ATG4A: variants seen among roughly 807,000 people sequenced by gnomAD.
ATG4A encodes cysteine protease ATG4A.
In ATG4A, 22 loss-of-function variants were observed where a neutral mutation model predicts 38.4. The observed-to-expected ratio is 0.57, with a 90% CI of 0.41 to 0.82. ATG4A has a LOEUF of 0.82. Among genes scored for constraint, ATG4A ranks in the 40% least tolerant of loss-of-function variants. The pLI, the probability that ATG4A is intolerant of heterozygous loss-of-function variation, is 0.00. For synonymous variants in ATG4A, 86 were observed against 100.7 expected, an observed-to-expected ratio of 0.85 and a Z score of 0.88; for missense variants, 220 against 290.0, an observed-to-expected ratio of 0.76 and a Z score of 1.75.
intron 1 of ATG4A, among the ~76,000 whole-genome samples, chrX:108,115,697 A>G (rs889160166): frequency 8.9e-6 from 1 of 112,196 alleles, no homozygotes; most frequent in African/African-American, 3.2e-5. Context: ...AGAAGTTGCT[A>G]TGGACATCTT....
chrX:108,116,407 G>A (rs1180388263), intron 1 of ATG4A, among the ~76,000 whole-genome samples: 3 of 111,644 alleles, frequency 2.7e-5, no homozygotes, highest in African/African-American at 9.8e-5. Flanking sequence ...CTGGGAAGGT[G>A]CTCCAAAGAG....
At chrX:108,137,531 C>T (rs1232305974) in intron 7 of ATG4A, among the ~76,000 whole-genome samples, 1 of 111,954 alleles carries the variant, frequency 8.9e-6, no homozygotes, top group Non-Finnish European at 1.9e-5. Flanking sequence ...TCTCAAAGGC[C>T]CTGGCAGACT....
intron 3 of ATG4A, among the ~76,000 whole-genome samples, chrX:108,130,917 C>T (rs998392673): frequency 9.0e-6 from 1 of 111,527 alleles, no homozygotes; most frequent in African/African-American, 3.3e-5. Flanking sequence ...TTGGGTCTGG[C>T]AGATGATGAC....
Position 108,153,955 on chromosome X carries a change from A to C in ATG4A, c.*243A>C. ...GGAGCCTAGGAGCAGAGAGATGAGG[A>C]GGAGTTCATTGCTTCCCAGCTTGTG... On this transcript the variant is annotated 3_prime_UTR_variant, in exon 13 of 13. Transcript: ENST00000372232. 3.5e-6 allele frequency: 1 copy of C among 289,451 alleles called. No homozygotes were observed. The highest frequency in any genetic ancestry group is 6.0e-6 in the Non-Finnish European group (1 of 165,616). The allele number at this position is 289,451 out of a possible 1,213,427, so 23.9% of individuals were successfully genotyped here.
intron 1 of ATG4A, among the ~76,000 whole-genome samples, chrX:108,104,508 C>G (rs2032113661): frequency 9.0e-6 from 1 of 110,590 alleles, no homozygotes; most frequent in Admixed American, 9.6e-5. Context: ...GAGAAACTCA[C>G]AGATAATCTT....
chrX:108,133,444 T>C (rs995706273), intron 4 of ATG4A, among the ~76,000 whole-genome samples: 2 of 112,586 alleles, frequency 1.8e-5, no homozygotes, highest in Admixed American at 1.9e-4. Flanking sequence ...TAGGGAAACA[T>C]TGAACACCTG....
chrX:108,142,523 CAT>C (rs1329292301), intron 9 of ATG4A, among the ~76,000 whole-genome samples: 2 of 108,697 alleles, frequency 1.8e-5, no homozygotes, highest in Non-Finnish European at 3.8e-5. Context: ...CACACACACA[CAT>C]ATATATGTAA....
intron 1 of ATG4A, among the ~76,000 whole-genome samples, chrX:108,117,785 T>C (rs1459637243): frequency 8.9e-6 from 1 of 112,425 alleles, no homozygotes; most frequent in Non-Finnish European, 1.9e-5. Context: ...ACTAATTAAT[T>C]GCTAAGCCTA....
At chrX:108,126,997 G>C (rs1192382898) in intron 2 of ATG4A, 4 of 247,268 alleles carry the variant, frequency 1.6e-5, no homozygotes, top group South Asian at 5.2e-5. Flanking sequence ...AGCTCCTCCT[G>C]AGCCTGGCTT....
At chrX:108,146,052 T>C (rs777564667) in intron 9 of ATG4A, among the ~76,000 whole-genome samples, 1 of 111,977 alleles carries the variant, frequency 8.9e-6, no homozygotes, top group African/African-American at 3.2e-5. Flanking sequence ...CAATGCACAG[T>C]TACCCTGCTA....
chrX:108,117,098 TG>T (rs2032530037), intron 1 of ATG4A, among the ~76,000 whole-genome samples: 1 of 111,903 alleles, frequency 8.9e-6, no homozygotes. Context: ...ACTGGTTACA[TG>T]GTAGGTACTC....
upstream of ATG4A, among the ~76,000 whole-genome samples, chrX:108,091,193 G>C: frequency 8.8e-6 from 1 of 113,531 alleles, no homozygotes; most frequent in Non-Finnish European, 1.9e-5. Flanking sequence ...TCAGGGAGCG[G>C]AGCTCCGGGC....
chrX:108,139,241 A>G (rs1210774515), intron 9 of ATG4A, among the ~76,000 whole-genome samples: 2 of 111,797 alleles, frequency 1.8e-5, no homozygotes, highest in Admixed American at 1.9e-4. Context: ...TTGCATGCCA[A>G]TCCCCCACTT....
intron 10 of ATG4A, 131 bp from the exon 11 acceptor site, chrX:108,151,671 G>A (rs1367245892): frequency 3.5e-6 from 2 of 568,038 alleles, no homozygotes; most frequent in Non-Finnish European, 5.8e-6. Flanking sequence ...GAGAAGCCCA[G>A]GCAGTCTTCC....
In ATG4A at chrX:108,131,179, G is replaced by T. The variant is rs185610817; in HGVS notation, c.194-81G>T. On this transcript the variant is annotated intron_variant, in intron 3 of 12. Coordinates refer to ENST00000372232, the MANE Select transcript of ATG4A (RefSeq NM_052936.5). ...CAGAGTATATATATTTACCTGTCTT[G>T]TGTGAGTCCCAAATATGCTGATGTT... is the stretch of plus-strand genomic sequence containing the variant. 1.6e-3 allele frequency: 1,368 copies of T among 856,284 alleles called. 2 individuals are homozygous for T. The highest frequency in any genetic ancestry group is 2.2e-3 in the Non-Finnish European group (1,260 of 579,882). The allele number at this position is 856,284 out of a possible 1,213,427, so 70.6% of individuals were successfully genotyped here. A position where few individuals can be genotyped will look rare whatever the true frequency, so the allele number is the denominator to read the frequency against.
intron 1 of ATG4A, among the ~76,000 whole-genome samples, chrX:108,121,190 G>A (rs886617042): frequency 2.7e-5 from 3 of 111,538 alleles, no homozygotes; most frequent in African/African-American, 6.5e-5. Flanking sequence ...GGACTAACAG[G>A]GGAGTAAGTG....
At chrX:108,092,654 C>T (rs1039578683) in intron 1 of ATG4A, among the ~76,000 whole-genome samples, 1 of 112,169 alleles carries the variant, frequency 8.9e-6, no homozygotes, top group East Asian at 2.8e-4. Context: ...ACTTTTATGA[C>T]AAAAGAGAAA....
upstream of ATG4A, among the ~76,000 whole-genome samples, chrX:108,091,094 A>T (rs2031600744): frequency 8.8e-6 from 1 of 113,619 alleles, no homozygotes; most frequent in Non-Finnish European, 1.9e-5. Flanking sequence ...GTTACTAGTA[A>T]AGGTAAATAA....
intron 1 of ATG4A, among the ~76,000 whole-genome samples, chrX:108,102,329 G>A (rs1035560451): frequency 4.5e-5 from 5 of 111,327 alleles, no homozygotes; most frequent in Admixed American, 2.8e-4. Context: ...GCATCTTTTC[G>A]TATACCTGTT....
Sources: allele counts gnomAD v4.1 joint callset (sites outside exome capture counted in the v4.1 genomes callset), GRCh38; gene constraint gnomAD v4.1.1; transcripts MANE v1.5; gene names NCBI Gene and HGNC (gene_info 2026-07-23, HGNC 2026-07-21).